POLM: variants seen among roughly 807,000 people sequenced by gnomAD.
POLM encodes the protein DNA-directed DNA/RNA polymerase mu.
A neutral mutation model predicts 56.7 loss-of-function variants in POLM; 52 were observed. The observed-to-expected ratio is 0.92, with a 90% confidence interval of 0.73 to 1.15. POLM has a LOEUF of 1.15. POLM is among the 50% of genes most tolerant of loss of function. The pLI is 0.00. For synonymous variants in POLM, 273 were observed against 274.3 expected (o/e 1.00, Z 0.05); for missense variants, 660 against 663.6 (o/e 0.99, Z 0.06).
Position 44,073,002 on chromosome 7 carries a change from A to C in POLM, c.*289T>G, listed in dbSNP as rs7778884. 1 of 1,065,870 alleles carries C rather than the reference A, an allele frequency of 9.4e-7. No individual in the cohort carries two copies. Among genetic ancestry groups the C allele is most frequent in the Admixed American group, 2.9e-5 (1 of 34,042 alleles). 66.0% of individuals were successfully genotyped at this position (1,065,870 alleles called of 1,614,324 possible). The stretch of plus-strand genomic sequence containing the variant: ...ACCACAGCTCCACGATGTGGGCCCC[A>C]CTCACATCCCATCCAGGGCAGGAAC... On this transcript the variant is annotated 3_prime_UTR_variant, in exon 11 of 11. Transcript: ENST00000242248.
intron 6 of POLM, chr7:44,075,925 GAC>G (rs1396173186): frequency 1.3e-5 from 2 of 152,408 alleles, no homozygotes; most frequent in Non-Finnish European, 2.9e-5. Context: ...TTCTCGTAGA[GAC>G]AGGGTTTCAC....
intron 6 of POLM, 51 bp from the exon 7 acceptor site, chr7:44,074,581 A>C (rs2096178684): frequency 6.7e-7 from 1 of 1,495,660 alleles, no homozygotes; most frequent in South Asian, 1.3e-5. Context: ...CACCACACCG[A>C]GCCCCCATCC....
Position 44,076,301 on chromosome 7 carries a change from T to C in POLM, c.835+208A>G, listed in dbSNP as rs908917934. The C allele has an allele frequency of 5.5e-6, 3 of 544,340 alleles. No individual in the cohort carries two copies. In the African/African-American group the frequency reaches 5.7e-5, roughly 10 times the overall value. The allele number at this position is 544,340 out of a possible 1,614,324, so 33.7% of individuals were successfully genotyped here. On this transcript the variant is annotated intron_variant, in intron 6 of 10. Transcript: ENST00000242248. ...GCAGACACAAGCCCCTGGCATATCATGGAAGTTGCTGTGGTCAGCATCGTC... is the reference window on the plus strand; with the variant it reads ...GCAGACACAAGCCCCTGGCATATCACGGAAGTTGCTGTGGTCAGCATCGTC...
chr7:44,078,884 C>A, intron 4 of POLM, 73 bp from the exon 5 acceptor site: 1 of 1,322,546 alleles, frequency 7.6e-7, no homozygotes, highest in South Asian at 1.3e-5. Flanking sequence ...GAGTTAGGGT[C>A]AGGGCTGGGG....
intron 6 of POLM, chr7:44,076,245 C>T: frequency 2.4e-6 from 1 of 409,704 alleles, no homozygotes; most frequent in South Asian, 2.7e-5. Flanking sequence ...CCCAGGCTGT[C>T]CCTGGTCACT....
chr7:44,073,824 T>C lies in POLM; in HGVS notation c.1273A>G (p.Ser425Gly), dbSNP rs752688692. The change falls in exon 9 of 11, where the codon AGC (serine) becomes GGC (glycine). Residue 425 changes from serine (S) to glycine (G), a missense_variant. Ser to Gly is a moderately conservative substitution (Grantham distance 56). Coordinates refer to ENST00000242248, the MANE Select transcript of POLM (RefSeq NM_013284.4). ...CCGAGCAGGGCGAAAGGGAACTGGC[T>C]GACGGGTGCAACTACCAAGTCCACT... ...VRVDLVVAPV[S>G]QFPFALLGWT... is the part of the protein sequence containing the mutation. 10 of 1,614,266 alleles carry C rather than the reference T, an allele frequency of 6.2e-6. No individual in the cohort carries two copies. The highest frequency in any genetic ancestry group is 6.8e-6 in the Non-Finnish European group (8 of 1,180,050).
In POLM at chr7:44,072,488, G is replaced by C. The variant is rs922000521; in HGVS notation, c.*803C>G. 1 of 152,276 alleles carries C rather than the reference G, an allele frequency of 6.6e-6. No individual in the cohort carries two copies. The highest frequency in any genetic ancestry group is 2.4e-5 in the African/African-American group (1 of 41,452). The allele number at this position is 152,276 out of a possible 1,614,324, so 9.4% of individuals were successfully genotyped here. On this transcript the variant is annotated 3_prime_UTR_variant, in exon 11 of 11. Transcript: ENST00000242248. ...GAGAAGGGGAGGGAGTTGGCCACAA[G>C]GGGGCCTGGGTGCATCAAATAGGAA...
intron 10 of POLM, 69 bp downstream of exon 10, chr7:44,073,556 C>G: frequency 1.2e-6 from 2 of 1,605,948 alleles, no homozygotes; most frequent in Non-Finnish European, 1.7e-6. Context: ...GGTCTGGGGC[C>G]ATTTCAGATT....
rs1354462001 is a variant in POLM at position 44,082,411 on chromosome 7, C to A, written c.28G>T (p.Val10Phe). Residue 10 changes from valine (V) to phenylalanine (F), a missense_variant, in exon 1 of 11, where the codon GTC becomes TTC. Val to Phe is a conservative substitution (Grantham distance 50, BLOSUM62 -1). Transcript: ENST00000242248. Reference protein sequence around the residue: MLPKRRRARVGSPSGDAASS... With the variant: MLPKRRRARFGSPSGDAASS... ...GCGGCATCGCCGCTAGGGGACCCGA[C>A]CCGCGCTCGCCGCCGTTTGGGGAGC... is the stretch of plus-strand genomic sequence containing the variant. 1 of 1,469,410 alleles carries A rather than the reference C, an allele frequency of 6.8e-7. No homozygotes were observed. 91.0% of individuals were successfully genotyped at this position (1,469,410 alleles called of 1,614,324 possible).
chr7:44,073,147 C>A lies in POLM; in HGVS notation c.*144G>T. On this transcript the variant is annotated 3_prime_UTR_variant, in exon 11 of 11. Coordinates refer to ENST00000242248, the MANE Select transcript of POLM (RefSeq NM_013284.4). Reference sequence around the variant, plus strand: ...GCAGGGGCTCAACTGATCCTGCAGGCACAATTGACCTCCGGAAGAGCCAGG... The same window carrying A: ...GCAGGGGCTCAACTGATCCTGCAGGAACAATTGACCTCCGGAAGAGCCAGG... 6.6e-7 allele frequency: 1 copy of A among 1,524,816 alleles called. No individual in the cohort carries two copies. Among genetic ancestry groups the A allele is most frequent in the Non-Finnish European group, 8.8e-7 (1 of 1,135,686 alleles). 94.5% of individuals were successfully genotyped at this position (1,524,816 alleles called of 1,614,324 possible). A position where few individuals can be genotyped will look rare whatever the true frequency, so the allele number is the denominator to read the frequency against.
In POLM at chr7:44,072,961, C is replaced by T; in HGVS notation, c.*330G>A. On this transcript the variant is annotated 3_prime_UTR_variant, in exon 11 of 11. Coordinates refer to ENST00000242248, the MANE Select transcript of POLM (RefSeq NM_013284.4). ...TGCACATCAGGGACCACTTGCCATT[C>T]ATGACTGCAGGCCCCACCACAGCTC... 1.5e-6 allele frequency: 1 copy of T among 667,132 alleles called. No individual in the cohort carries two copies. Among genetic ancestry groups the T allele is most frequent in the South Asian group, 2.7e-5 (1 of 37,554 alleles). 41.3% of individuals were successfully genotyped at this position (667,132 alleles called of 1,614,324 possible).
rs1562673451 is a variant in POLM at position 44,080,829 on chromosome 7, C to CG, written c.275dup (p.Cys94LeufsTer77). On this transcript the variant is annotated frameshift_variant, in exon 2 of 11. Coordinates refer to ENST00000242248, the MANE Select transcript of POLM (RefSeq NM_013284.4). LOFTEE classifies it high-confidence loss of function. The stretch of plus-strand genomic sequence containing the variant: ...CCAGCAGAGCTGGGGGGGTGCAACC[C>CG]GGGGGAGCAGCTGCCATCCTGCGCT... 3 of 1,612,718 alleles carry CG rather than the reference C, an allele frequency of 1.9e-6. 1 individual carries two copies. The highest frequency in any genetic ancestry group is 2.2e-5 in the South Asian group (2 of 90,950).
intron 4 of POLM, among the ~76,000 whole-genome samples, chr7:44,079,356 C>T (rs945367401): frequency 2.6e-5 from 4 of 152,146 alleles, no homozygotes; most frequent in South Asian, 2.1e-4. Context: ...CCCCTCACAG[C>T]GCCATTCACT....
Position 44,074,493 on chromosome 7 carries a change from C to A in POLM, c.873G>T (p.Leu291=). The A allele has an allele frequency of 6.3e-7, 1 of 1,598,450 alleles. No homozygotes were observed. The highest frequency in any genetic ancestry group is 8.5e-7 in the Non-Finnish European group (1 of 1,173,052). ...GCTGCAGGGCATCTACATCGGACCG[C>A]AGGACTGGGGTGCTCAGGTCCTGGT... ...QHHQDLSTPV[L]RSDVDALQQV... The change falls in exon 7 of 11, where the codon CTG becomes CTT. Residue 291 remains leucine, a synonymous_variant. Coordinates refer to ENST00000242248, the MANE Select transcript of POLM (RefSeq NM_013284.4).
chr7:44,076,555 A>T lies in POLM; in HGVS notation c.789T>A (p.Asp263Glu). The T allele has an allele frequency of 6.2e-6, 10 of 1,614,020 alleles. No individual in the cohort carries two copies. Among genetic ancestry groups the T allele is most frequent in the Non-Finnish European group, 8.5e-6 (10 of 1,179,984 alleles). Reference sequence around the variant, plus strand: ...GTTTCTGGGGCTGCTCTCGGAGGTCATCTAAGGTTCGCAGTCCTTCCCGGT... The same window carrying T: ...GTTTCTGGGGCTGCTCTCGGAGGTCTTCTAAGGTTCGCAGTCCTTCCCGGT... ...RWYREGLRTLDDLREQPQKLT... is the reference protein window; with the variant it reads ...RWYREGLRTLEDLREQPQKLT... Residue 263 changes from aspartate to glutamate, a missense_variant, in exon 6 of 11, where the codon GAT becomes GAA. Asp to Glu is a conservative substitution (Grantham distance 45). Transcript: ENST00000242248.
intron 6 of POLM, chr7:44,076,243 G>A (rs751910590): frequency 5.0e-6 from 2 of 403,302 alleles, no homozygotes; most frequent in Non-Finnish European, 9.2e-6. Flanking sequence ...GGCCCAGGCT[G>A]TCCCTGGTCA....
At position 44,073,820 on chromosome 7, in the gene POLM, T is replaced by C. The variant is rs2096175412; in HGVS notation, c.1277A>G (p.Gln426Arg). 1 of 1,614,118 alleles carries C rather than the reference T, an allele frequency of 6.2e-7. No individual in the cohort carries two copies. The highest frequency in any genetic ancestry group is 1.7e-5 in the Admixed American group (1 of 60,012). ...CCAACCGAGCAGGGCGAAAGGGAAC[T>C]GGCTGACGGGTGCAACTACCAAGTC... ...RVDLVVAPVS[Q>R]FPFALLGWTG... Residue 426 changes from glutamine to arginine, a missense_variant, in exon 9 of 11, where the codon CAG becomes CGG. By Grantham distance (43) the Gln-to-Arg change is conservative. Transcript: ENST00000242248.
intron 2 of POLM, 112 bp from the exon 3 acceptor site, chr7:44,080,071 C>T (rs2096195376): frequency 1.3e-6 from 1 of 756,860 alleles, no homozygotes; most frequent in East Asian, 2.7e-5. Context: ...CTCTGGAGCT[C>T]ATGGGACAGA....
Position 44,078,592 on chromosome 7 carries a change from GCT to G in POLM, c.714+146_714+147del, listed in dbSNP as rs760753618. 7.5e-6 allele frequency: 5 copies of G among 662,506 alleles called. No individual in the cohort carries two copies. The African/African-American group carries it at 8.9e-5, about 12-fold the overall frequency. The allele number at this position is 662,506 out of a possible 1,614,324, so 41.0% of individuals were successfully genotyped here. A position where few individuals can be genotyped will look rare whatever the true frequency, so the allele number is the denominator to read the frequency against. On this transcript the variant is annotated intron_variant, in intron 5 of 10. Coordinates refer to ENST00000242248, the MANE Select transcript of POLM (RefSeq NM_013284.4). ...GCTGCCTTGTGCATATCAGGTATCAGCTTAGCTGCCACTTCCTCGGCAAGACC... is the reference window on the plus strand; with the variant it reads ...GCTGCCTTGTGCATATCAGGTATCAGTAGCTGCCACTTCCTCGGCAAGACC...
Sources: allele counts gnomAD v4.1 joint callset (sites outside exome capture counted in the v4.1 genomes callset), GRCh38; gene constraint gnomAD v4.1.1; transcripts MANE v1.5; gene names NCBI Gene and HGNC (gene_info 2026-07-23, HGNC 2026-07-21).